The following PCDHGB1 variants were observed in gnomAD, a reference collection of about 807,000 sequenced individuals.
PCDHGB1 encodes the protein protocadherin gamma-B1.
Under a neutral mutation model 56.6 loss-of-function variants are expected in PCDHGB1, and 34 were observed. That is an observed-to-expected ratio of 0.60 (90% CI 0.46 to 0.80). The LOEUF is 0.80. PCDHGB1 is among the 30% of genes least tolerant of loss of function. The pLI is 0.00. For missense variants in PCDHGB1, 1,278 were observed against 1,204.6 expected, an observed-to-expected ratio of 1.06 and a Z score of -0.90; for synonymous variants, 561 against 505.9, an observed-to-expected ratio of 1.11 and a Z score of -1.46.
At chr5:141,402,087 A>G (rs1388054772) in intron 1 of PCDHGB1, among the ~76,000 whole-genome samples, 1 of 152,224 alleles carries the variant, frequency 6.6e-6, no homozygotes, top group Non-Finnish European at 1.5e-5. Context: ...GAAATAGCAG[A>G]AAAGTTTAAG....
intron 1 of PCDHGB1, chr5:141,422,741 A>G (rs1319821802): frequency 6.2e-7 from 1 of 1,610,084 alleles, no homozygotes; most frequent in Non-Finnish European, 8.5e-7. Flanking sequence ...CTGTCCTCCT[A>G]TGTCTCTATT....
At chr5:141,373,965 G>T in intron 1 of PCDHGB1, 2 of 971,546 alleles carry the variant, frequency 2.1e-6, no homozygotes, top group East Asian at 2.9e-5. Context: ...GACCTGAAAC[G>T]CTTCGCATCC....
intron 1 of PCDHGB1, chr5:141,426,302 A>G (rs1590676929): frequency 1.2e-5 from 2 of 172,322 alleles, no homozygotes; most frequent in East Asian, 1.4e-4. Context: ...AACAGGGTGA[A>G]GCAGAGAAGC....
At chr5:141,398,963 ATTCCT>A in intron 1 of PCDHGB1, 1 of 1,613,976 alleles carries the variant, frequency 6.2e-7, no homozygotes, top group Non-Finnish European at 8.5e-7. Flanking sequence ...GAAATTACTT[ATTCCT>A]TCTACAGAAC....
intron 2 of PCDHGB1, among the ~76,000 whole-genome samples, chr5:141,499,234 A>G (rs1294400331): frequency 6.6e-6 from 1 of 152,008 alleles, no homozygotes; most frequent in Non-Finnish European, 1.5e-5. Flanking sequence ...AGCTGTCCCC[A>G]GCCTCTGCAC....
At chr5:141,462,122 C>A (rs1437400069) in intron 1 of PCDHGB1, among the ~76,000 whole-genome samples, 3 of 152,044 alleles carry the variant, frequency 2.0e-5, no homozygotes, top group Admixed American at 6.6e-5. Context: ...TGCACCCAGT[C>A]CAATTTTTTG....
intron 1 of PCDHGB1, chr5:141,384,838 C>G: frequency 6.2e-7 from 1 of 1,613,540 alleles, no homozygotes; most frequent in Non-Finnish European, 8.5e-7. Flanking sequence ...GGTGGCCGTC[C>G]AGGACCACGG....
At chr5:141,398,256 G>C in intron 1 of PCDHGB1, 3 of 1,460,296 alleles carry the variant, frequency 2.1e-6, no homozygotes, top group Non-Finnish European at 9.3e-7. Flanking sequence ...AAATGCCCAA[G>C]GGCTCCGTAG....
At chr5:141,403,136 C>G in intron 1 of PCDHGB1, 1 of 1,614,006 alleles carries the variant, frequency 6.2e-7, no homozygotes. Flanking sequence ...GCTGGCGGAG[C>G]GCCGAGTCCG....
At chr5:141,393,609 G>A (rs1428368601) in intron 1 of PCDHGB1, 2 of 1,613,940 alleles carry the variant, frequency 1.2e-6, no homozygotes, top group South Asian at 2.2e-5. Context: ...TACTGTAACA[G>A]CCAGCGACCC....
At chr5:141,421,941 T>C (rs186605459) in intron 1 of PCDHGB1, 2 of 1,613,456 alleles carry the variant, frequency 1.2e-6, no homozygotes, top group East Asian at 4.5e-5. Context: ...ATGTAAATGA[T>C]CACATCCCAA....
In PCDHGB1 at chr5:141,490,262, G is replaced by A; in HGVS notation, c.2410-4545G>A. 1.2e-6 allele frequency: 2 copies of A among 1,614,206 alleles called. No homozygotes were observed. Among genetic ancestry groups the A allele is most frequent in the South Asian group, 1.1e-5 (1 of 91,086 alleles). On this transcript the variant is annotated intron_variant, in intron 1 of 3. Transcript: ENST00000523390. The surrounding 1 kb of genome is among the most constrained non-coding windows in gnomAD (Gnocchi z 5.4). ...CACTGTGTGATTCAAGTGGATGTGGGGGATGTCAATGACAATGCCCCAGAG... is the reference window on the plus strand; with the variant it reads ...CACTGTGTGATTCAAGTGGATGTGGAGGATGTCAATGACAATGCCCCAGAG...
rs1355616601 is a variant in PCDHGB1, at chr5:141,350,769, A to G, written c.509A>G (p.Asn170Ser). The G allele has an allele frequency of 1.2e-6, 2 of 1,613,850 alleles. No homozygotes were observed. Among genetic ancestry groups the G allele is most frequent in the African/African-American group, 1.3e-5 (1 of 74,954 alleles). The change falls in exon 1 of 4, where the codon AAC (asparagine) becomes AGC (serine). Residue 170 changes from asparagine (N) to serine (S), a missense_variant. Transcript: ENST00000523390. ...EGNSLKLYTI[N>S]PNQYFSLSTK... The stretch of plus-strand genomic sequence containing the variant: ...AATTCACTGAAGTTATACACCATCA[A>G]CCCCAATCAATACTTCTCTCTGTCA...
At chr5:141,507,680 A>C (rs73794928) in intron 3 of PCDHGB1, among the ~76,000 whole-genome samples, 2,806 of 152,362 alleles carry the variant, frequency 0.018, 91 homozygotes, top group African/African-American at 0.063. Flanking sequence ...GATGTTAAAA[A>C]CAGAAATGAA....
rs973074211 is a variant in PCDHGB1, at chr5:141,352,480, C to A, written c.2220C>A (p.Ser740Arg). 1.9e-6 allele frequency: 3 copies of A among 1,614,012 alleles called. No homozygotes were observed. The highest frequency in any genetic ancestry group is 2.5e-6 in the Non-Finnish European group (3 of 1,179,880). ...KSGPGVPPNH[S>R]EGTLPYSYNL... ...GGCCCGGGGTTCCTCCCAACCACAG[C>A]GAGGGGACTTTGCCCTATTCCTACA... The change falls in exon 1 of 4, where the codon AGC (serine) becomes AGA (arginine). Residue 740 changes from serine (S) to arginine (R), a missense_variant. Ser to Arg is a moderately radical substitution (Grantham distance 110, BLOSUM62 -1). Transcript: ENST00000523390.
intron 1 of PCDHGB1, chr5:141,365,106 C>G: frequency 1.2e-6 from 2 of 1,613,862 alleles, no homozygotes; most frequent in Non-Finnish European, 1.7e-6. Flanking sequence ...CCTGTGGGCA[C>G]TCGGCTGCTC....
At chr5:141,361,514 A>C (rs765118611) in intron 1 of PCDHGB1, 1 of 1,614,028 alleles carries the variant, frequency 6.2e-7, no homozygotes. Context: ...TACATGGTTC[A>C]CGTGGCAGAG....
At position 141,481,468 on chromosome 5, in the gene PCDHGB1, G is replaced by A. The variant is rs575259839; in HGVS notation, c.2410-13339G>A. Among the ~76,000 whole-genome samples the A allele has an allele frequency of 2.6e-5, 4 of 152,332 alleles. No homozygotes were observed. In the South Asian group the frequency reaches 8.3e-4, roughly 32 times the overall value. On this transcript the variant is annotated intron_variant, in intron 1 of 3. Transcript: ENST00000523390. Reference sequence around the variant, plus strand: ...CATGTAAATACACTGAAAACCATTGGATTATACACTTTAAATATGTGATTT... The same window carrying A: ...CATGTAAATACACTGAAAACCATTGAATTATACACTTTAAATATGTGATTT...
chr5:141,379,723 G>A (rs1250250274), intron 1 of PCDHGB1: 1 of 152,038 alleles, frequency 6.6e-6, no homozygotes, highest in Non-Finnish European at 1.5e-5. Context: ...CATGGAATTT[G>A]CTAAGTTATG....
Sources: gnomAD v4.1 joint callset for allele counts (sites outside exome capture counted in the v4.1 genomes callset) on GRCh38, gnomAD v4.1.1 for gene constraint, Gnocchi (gnomAD v3.1) non-coding constraint, MANE v1.5 for transcripts, NCBI Gene and HGNC (gene_info 2026-07-23, HGNC 2026-07-21) for gene names.